CUL3: variants seen among roughly 807,000 people sequenced by gnomAD.
The protein encoded by CUL3 is cullin 3.
CUL3 carries 19 observed loss-of-function variants against 89.1 expected under a neutral mutation model. The ratio of observed to expected loss-of-function variants is 0.21; its 90% CI spans 0.15 to 0.31. CUL3 has a LOEUF of 0.31. Among genes scored for constraint, CUL3 ranks in the 10% least tolerant of loss-of-function variants. The pLI, the probability that CUL3 is intolerant of heterozygous loss-of-function variation, is 1.00. For missense variants in CUL3, 469 were observed against 942.3 expected, an observed-to-expected ratio of 0.50 and a Z score of 6.58; for synonymous variants, 351 against 308.4, an observed-to-expected ratio of 1.14 and a Z score of -1.45.
At chr2:224,477,787 C>G (rs938469833) in intron 15 of CUL3, among the ~76,000 whole-genome samples, 2 of 152,222 alleles carry the variant, frequency 1.3e-5, no homozygotes, top group Non-Finnish European at 2.9e-5. Flanking sequence ...ATACTTTACC[C>G]AGGTCCTAAT....
At chr2:224,567,250 TTC>T (rs1412145242) in intron 1 of CUL3, among the ~76,000 whole-genome samples, 1 of 152,210 alleles carries the variant, frequency 6.6e-6, no homozygotes, top group Non-Finnish European at 1.5e-5. Context: ...CAGGGTCTTC[TTC>T]TGTCACCAAG....
intron 14 of CUL3, 82 bp from the exon 15 acceptor site, chr2:224,478,427 T>C (rs1691403753): frequency 7.1e-7 from 1 of 1,409,942 alleles, no homozygotes; most frequent in African/African-American, 1.5e-5. Context: ...TTCAATGTAA[T>C]CCACAGATAA....
chr2:224,506,204 A>G, intron 7 of CUL3, 72 bp from the exon 8 acceptor site: 1 of 1,023,002 alleles, frequency 9.8e-7, no homozygotes, highest in Non-Finnish European at 1.4e-6. Flanking sequence ...ATGACCATGT[A>G]TGTTTATCTT....
intron 1 of CUL3, among the ~76,000 whole-genome samples, chr2:224,561,686 T>C (rs1482611502): frequency 1.3e-5 from 2 of 152,216 alleles, no homozygotes; most frequent in East Asian, 3.8e-4. Flanking sequence ...CCTATACTGC[T>C]ACCTCTTTTT....
At chr2:224,544,977 A>G (rs1684329847) in intron 2 of CUL3, among the ~76,000 whole-genome samples, 1 of 152,134 alleles carries the variant, frequency 6.6e-6, no homozygotes, top group East Asian at 1.9e-4. Flanking sequence ...TCTAAAGGAT[A>G]GAATTTCTGA....
At chr2:224,523,248 T>G (rs1693335703) in intron 3 of CUL3, among the ~76,000 whole-genome samples, 1 of 152,172 alleles carries the variant, frequency 6.6e-6, no homozygotes, top group Non-Finnish European at 1.5e-5. Flanking sequence ...ATCTGTAAAA[T>G]AACATCTACC....
intron 2 of CUL3, among the ~76,000 whole-genome samples, chr2:224,553,721 T>G (rs1694601858): frequency 6.6e-6 from 1 of 152,172 alleles, no homozygotes; most frequent in Non-Finnish European, 1.5e-5. Context: ...CCCTGCCCTG[T>G]GAAGACACAG....
intron 2 of CUL3, among the ~76,000 whole-genome samples, chr2:224,545,863 C>T (rs559810200): frequency 6.6e-6 from 1 of 152,156 alleles, no homozygotes; most frequent in Non-Finnish European, 1.5e-5. Flanking sequence ...CAATTTCATA[C>T]ATAAAGATAA....
At chr2:224,584,901 C>G (rs1695543220) in intron 1 of CUL3, 43 bp downstream of exon 1, 3 of 1,418,776 alleles carry the variant, frequency 2.1e-6, no homozygotes, top group Non-Finnish European at 2.8e-6. Flanking sequence ...GCTCTCGGCC[C>G]GGCCCCCGGC....
chr2:224,552,015 ACTAT>A (rs1268675174), intron 2 of CUL3, among the ~76,000 whole-genome samples: 7 of 152,208 alleles, frequency 4.6e-5, no homozygotes, highest in South Asian at 2.1e-4. Flanking sequence ...TTACCTGTTT[ACTAT>A]CTGTTTCATA....
At chr2:224,508,961 C>CAAAA (rs3081932) in intron 6 of CUL3, among the ~76,000 whole-genome samples, 4 of 112,878 alleles carry the variant, frequency 3.5e-5, no homozygotes, top group Admixed American at 1.8e-4. Flanking sequence ...GACTTCGTCT[C>CAAAA]AAAAAAAAAA....
Position 224,481,879 on chromosome 2 carries a change from T to G in CUL3, c.2029+13A>C, listed in dbSNP as rs371959500. On this transcript the variant is annotated intron_variant, in intron 14 of 15. Coordinates refer to ENST00000264414, the MANE Select transcript of CUL3 (RefSeq NM_003590.5). Reference sequence around the variant, plus strand: ...ATATAATTTTTTGAGAGGAAAAATATAATTCCAGATACCTGTTTGAATCTT... The same window carrying G: ...ATATAATTTTTTGAGAGGAAAAATAGAATTCCAGATACCTGTTTGAATCTT... The G allele has an allele frequency of 4.9e-6, 7 of 1,438,942 alleles. No individual in the cohort carries two copies. The highest frequency in any genetic ancestry group is 6.4e-6 in the Non-Finnish European group (7 of 1,090,242). 89.1% of individuals were successfully genotyped at this position (1,438,942 alleles called of 1,614,324 possible).
At chr2:224,535,457 AC>A in intron 3 of CUL3, 70 bp downstream of exon 3, 4 of 1,060,134 alleles carry the variant, frequency 3.8e-6, no homozygotes, top group Non-Finnish European at 4.1e-6. Context: ...GGCGTGAGCC[AC>A]CGTGCCCAGC....
intron 1 of CUL3, among the ~76,000 whole-genome samples, chr2:224,572,299 G>C (rs1344435505): frequency 2.5e-4 from 38 of 152,076 alleles, no homozygotes; most frequent in Admixed American, 2.5e-3. Context: ...TTGAATGCCT[G>C]TGTCTCCTCC....
chr2:224,521,104 T>C (rs926463825), intron 3 of CUL3, among the ~76,000 whole-genome samples: 1 of 152,244 alleles, frequency 6.6e-6, no homozygotes, highest in Non-Finnish European at 1.5e-5. Flanking sequence ...CTACTTAATT[T>C]ACCTGCAAGA....
chr2:224,516,782 G>C (rs1408741246), intron 3 of CUL3, among the ~76,000 whole-genome samples: 1 of 151,564 alleles, frequency 6.6e-6, no homozygotes. Flanking sequence ...AAGTAGCTGG[G>C]ATTACAGGCA....
Position 224,513,417 on chromosome 2 carries a change from C to G in CUL3, c.654+107G>C, listed in dbSNP as rs751173222. The G allele has an allele frequency of 1.1e-5, 8 of 747,954 alleles. No homozygotes were observed. In the East Asian group the frequency reaches 2.3e-4, roughly 21 times the overall value. The allele number at this position is 747,954 out of a possible 1,614,324, so 46.3% of individuals were successfully genotyped here. On this transcript the variant is annotated intron_variant, in intron 5 of 15. Coordinates refer to ENST00000264414, the MANE Select transcript of CUL3 (RefSeq NM_003590.5). ...GGGCATTTTTTGCATACTCCCCTCC[C>G]TTAATGGGTCTCAGTTAAAAAAGGT...
intron 5 of CUL3, 65 bp downstream of exon 5, chr2:224,513,459 G>A (rs767243249): frequency 9.1e-7 from 1 of 1,103,246 alleles, no homozygotes; most frequent in African/African-American, 1.6e-5. Flanking sequence ...AGTTAAATTA[G>A]TAACTATATT....
chr2:224,475,597 C>T (rs185058347), intron 15 of CUL3, among the ~76,000 whole-genome samples: 7 of 152,294 alleles, frequency 4.6e-5, no homozygotes, highest in Admixed American at 4.6e-4. Flanking sequence ...TACAATTTAT[C>T]GCCCTTCCAG....
Sources: gnomAD v4.1 joint callset for allele counts (sites outside exome capture counted in the v4.1 genomes callset) on GRCh38, gnomAD v4.1.1 for gene constraint, MANE v1.5 for transcripts, NCBI Gene and HGNC (gene_info 2026-07-23, HGNC 2026-07-21) for gene names.